The following EIF4E variants were observed in gnomAD, a reference collection of about 807,000 sequenced individuals.
EIF4E encodes eIF-4F 25 kDa subunit.
For missense variants in EIF4E, 113 were observed against 265.6 expected (o/e 0.43, Z 3.99); for synonymous variants, 71 against 88.5 (o/e 0.80, Z 1.11).
intron 2 of EIF4E, among the ~76,000 whole-genome samples, chr4:98,893,792 G>T (rs1372947874): frequency 6.6e-6 from 1 of 152,320 alleles, no homozygotes; most frequent in East Asian, 1.9e-4. Context: ...CATGAATCAT[G>T]AATGTTCTTA....
chr4:98,910,413 C>A (rs1189167524), intron 1 of EIF4E, among the ~76,000 whole-genome samples: 1 of 152,208 alleles, frequency 6.6e-6, no homozygotes, highest in East Asian at 1.9e-4. Flanking sequence ...AAAATGGCAA[C>A]TAAACAATAA....
chr4:98,911,583 C>T (rs60120090), intron 1 of EIF4E, among the ~76,000 whole-genome samples: 18,349 of 145,656 alleles, frequency 0.13, 1,291 homozygotes, highest in East Asian at 0.19. Context: ...ATCGCTTGAA[C>T]CCGGGAGGCA....
intron 1 of EIF4E, among the ~76,000 whole-genome samples, chr4:98,920,456 G>T (rs139189734): frequency 6.6e-6 from 1 of 151,840 alleles, no homozygotes; most frequent in East Asian, 1.9e-4. Flanking sequence ...GAACACGCTC[G>T]GCTAATTTTT....
At chr4:98,919,341 A>AAC (rs1553934023) in intron 1 of EIF4E, among the ~76,000 whole-genome samples, 8 of 147,050 alleles carry the variant, frequency 5.4e-5, no homozygotes, top group African/African-American at 1.5e-4. Context: ...GCAAAAAAAA[A>AAC]AAAAACAAAA....
chr4:98,879,599 T>C lies in EIF4E; in HGVS notation c.*1429A>G, dbSNP rs1723588255. The C allele has an allele frequency of 6.6e-6, 1 of 152,134 alleles. No individual in the cohort carries two copies. Among genetic ancestry groups the C allele is most frequent in the South Asian group, 2.1e-4 (1 of 4,834 alleles). 9.4% of individuals were successfully genotyped at this position (152,134 alleles called of 1,614,324 possible). Reference sequence around the variant, plus strand: ...TATGTCTTAACACCTGTTTATTCCATTCTATTTAGATTGCAACACTAACAA... The same window carrying C: ...TATGTCTTAACACCTGTTTATTCCACTCTATTTAGATTGCAACACTAACAA... On this transcript the variant is annotated 3_prime_UTR_variant, in exon 7 of 7. Coordinates refer to ENST00000450253, the MANE Select transcript of EIF4E (RefSeq NM_001968.5).
chr4:98,919,838 C>T (rs1385577933), intron 1 of EIF4E, among the ~76,000 whole-genome samples: 2 of 152,086 alleles, frequency 1.3e-5, no homozygotes, highest in Non-Finnish European at 1.5e-5. Flanking sequence ...GGATTACAGG[C>T]GTGAGCCACC....
intron 2 of EIF4E, among the ~76,000 whole-genome samples, chr4:98,900,178 T>C (rs1201602755): frequency 6.6e-6 from 1 of 151,856 alleles, no homozygotes; most frequent in African/African-American, 2.4e-5. Context: ...AAAAAAAATG[T>C]GGGTTTTGGT....
At chr4:98,917,117 CACACACACACACACACAAAA>C (rs1268990515) in intron 1 of EIF4E, among the ~76,000 whole-genome samples, 3,069 of 60,748 alleles carry the variant, frequency 0.051, 64 homozygotes, top group African/African-American at 0.13. Flanking sequence ...CACACACACA[CACACACACACACACACAAAA>C]AAAACCCAAA....
intron 2 of EIF4E, among the ~76,000 whole-genome samples, chr4:98,900,167 A>G (rs1220907616): frequency 6.6e-6 from 1 of 150,716 alleles, no homozygotes; most frequent in Non-Finnish European, 1.5e-5. Flanking sequence ...GAAAAAAATG[A>G]AAAAAAAATG....
Position 98,881,056 on chromosome 4 carries a change from G to C in EIF4E, c.626C>G (p.Ser209Cys). 6.2e-7 allele frequency: 1 copy of C among 1,611,446 alleles called. No homozygotes were observed. Among genetic ancestry groups the C allele is most frequent in the African/African-American group, 1.3e-5 (1 of 74,714 alleles). ...AACAACAAACCTATTTTTAGTGGTGGAGCCGCTCTTAGTAGCTGTGTCTGC... is the reference window on the plus strand; with the variant it reads ...AACAACAAACCTATTTTTAGTGGTGCAGCCGCTCTTAGTAGCTGTGTCTGC... ...SHADTATKSG[S>C]TTKNRFVV The change falls in exon 7 of 7, where the codon TCC becomes TGC. Residue 209 changes from serine (S) to cysteine (C), a missense_variant. Ser to Cys is a moderately radical substitution (Grantham distance 112, BLOSUM62 -1). Transcript: ENST00000450253.
At chr4:98,898,142 T>C (rs1423022898) in intron 2 of EIF4E, among the ~76,000 whole-genome samples, 4 of 152,294 alleles carry the variant, frequency 2.6e-5, no homozygotes, top group Admixed American at 2.0e-4. Context: ...AACCTAGTAG[T>C]GTATCAAAGG....
chr4:98,917,129 CACACAA>C (rs766939139), intron 1 of EIF4E, among the ~76,000 whole-genome samples: 2,007 of 60,906 alleles, frequency 0.033, 28 homozygotes, highest in South Asian at 0.04. Flanking sequence ...CACACACACA[CACACAA>C]AAAAAACCCA....
At chr4:98,910,426 A>G (rs1246839505) in intron 1 of EIF4E, among the ~76,000 whole-genome samples, 1 of 152,232 alleles carries the variant, frequency 6.6e-6, no homozygotes, top group East Asian at 1.9e-4. Flanking sequence ...AACAATAACA[A>G]AAAATCACTA....
At chr4:98,891,757 A>C (rs1404866390) in intron 2 of EIF4E, among the ~76,000 whole-genome samples, 2 of 152,236 alleles carry the variant, frequency 1.3e-5, no homozygotes, top group African/African-American at 4.8e-5. Context: ...AGTACTTAAC[A>C]TTAACTGTAC....
rs145626569 is a variant in EIF4E at position 98,892,115 on chromosome 4, G to A, written c.126-783C>T. On this transcript the variant is annotated intron_variant, in intron 2 of 6. Coordinates refer to ENST00000450253, the MANE Select transcript of EIF4E (RefSeq NM_001968.5). ...TAATCCCAGCACTCTGGGAGGCTGAGGTGGGCGGATCACCTGAGGTTGGGA... is the reference window on the plus strand; with the variant it reads ...TAATCCCAGCACTCTGGGAGGCTGAAGTGGGCGGATCACCTGAGGTTGGGA... 2.5e-3 allele frequency among the ~76,000 whole-genome samples: 375 copies of A among 152,150 alleles called. 2 individuals are homozygous for A. The highest frequency in any genetic ancestry group is 7.4e-3 in the African/African-American group (309 of 41,504).
At position 98,911,684 on chromosome 4, in the gene EIF4E, AAAG is replaced by A. The variant is rs1560649301; in HGVS notation, c.19-9705_19-9703del. Among the ~76,000 whole-genome samples, 70 of 148,550 alleles carry A rather than the reference AAAG, an allele frequency of 4.7e-4. 1 individual carries two copies. The highest frequency in any genetic ancestry group is 1.7e-3 in the South Asian group (8 of 4,768). ...CTCAAAAAAAAAAAAAAAAAAAAAA[AAAG>A]AAGACTTGTGGTCACCTTTTAACAT... is the stretch of plus-strand genomic sequence containing the variant. On this transcript the variant is annotated intron_variant, in intron 1 of 6. Coordinates refer to ENST00000450253, the MANE Select transcript of EIF4E (RefSeq NM_001968.5).
At position 98,915,690 on chromosome 4, in the gene EIF4E, G is replaced by A. The variant is rs558902473; in HGVS notation, c.18+13405C>T. The stretch of plus-strand genomic sequence containing the variant: ...CAAGTAGCTGGGATTATAGGTACCC[G>A]CCACCATGCCCAGCTAATTTTTTGT... On this transcript the variant is annotated intron_variant, in intron 1 of 6. Transcript: ENST00000450253. Among the ~76,000 whole-genome samples the A allele has an allele frequency of 2.6e-3, 400 of 151,598 alleles. 2 individuals carry two copies. The highest frequency in any genetic ancestry group is 0.01 in the Middle Eastern group (3 of 294).
chr4:98,905,167 C>T (rs1259462344), intron 1 of EIF4E, among the ~76,000 whole-genome samples: 2 of 150,174 alleles, frequency 1.3e-5, no homozygotes, highest in Non-Finnish European at 2.9e-5. Flanking sequence ...AGTGTTCTCT[C>T]AATGAGCAAA....
chr4:98,899,288 T>C (rs969066385), intron 2 of EIF4E, among the ~76,000 whole-genome samples: 15 of 152,154 alleles, frequency 9.9e-5, no homozygotes, highest in African/African-American at 2.7e-4. Flanking sequence ...GAATAATCTG[T>C]CCTCAGATAA....
Sources: gnomAD v4.1 joint callset for allele counts (sites outside exome capture counted in the v4.1 genomes callset) on GRCh38, gnomAD v4.1.1 for gene constraint, MANE v1.5 for transcripts, NCBI Gene and HGNC (gene_info 2026-07-23, HGNC 2026-07-21) for gene names.